TACR1: variants seen among roughly 807,000 people sequenced by gnomAD.
TACR1 encodes the protein tachykinin receptor 1.
Under a neutral mutation model 35.8 loss-of-function variants are expected in TACR1, and 25 were observed. The observed-to-expected ratio is 0.70, with a 90% CI of 0.51 to 0.98. TACR1 has a LOEUF of 0.98. Among genes scored for constraint, TACR1 ranks in the 50% least tolerant of loss-of-function variants. The pLI, the probability that TACR1 is intolerant of heterozygous loss-of-function variation, is 0.00. For synonymous variants in TACR1, 195 were observed against 206.7 expected (o/e 0.94, Z 0.48); for missense variants, 478 against 522.9 (o/e 0.91, Z 0.84).
chr2:75,120,613 A>G lies in TACR1; in HGVS notation c.545T>C (p.Ile182Thr). 3 of 1,611,454 alleles carry G rather than the reference A, an allele frequency of 1.9e-6. No homozygotes were observed. The highest frequency in any genetic ancestry group is 1.7e-6 in the Non-Finnish European group (2 of 1,178,746). ...CTTGTTCGGATGCTCTGGCCATTCG[A>G]TCATGCACACGACTCTGCTGGGCAT... ...ETMPSRVVCM[I>T]EWPEHPNKIY... Residue 182 changes from isoleucine (I) to threonine (T), a missense_variant, in exon 2 of 5, where the codon ATC (isoleucine) becomes ACC (threonine). Transcript: ENST00000305249.
At position 75,053,496 on chromosome 2, in the gene TACR1, C is replaced by T. The variant is rs931868579; in HGVS notation, c.735+109G>A. 16 of 1,314,258 alleles carry T rather than the reference C, an allele frequency of 1.2e-5. No homozygotes were observed. In the African/African-American group the frequency reaches 2.1e-4, roughly 17 times the overall value. 81.4% of individuals were successfully genotyped at this position (1,314,258 alleles called of 1,614,324 possible). A position where few individuals can be genotyped will look rare whatever the true frequency, so the allele number is the denominator to read the frequency against. On this transcript the variant is annotated intron_variant, in intron 3 of 4. Transcript: ENST00000305249. ...TCCTCCTCTCTGTTGCTCCCCATAC[C>T]TGGGGATATTTTGTGCTAGCTGCCT...
chr2:75,130,746 T>G (rs1674161927), intron 1 of TACR1, among the ~76,000 whole-genome samples: 1 of 151,794 alleles, frequency 6.6e-6, no homozygotes, highest in Non-Finnish European at 1.5e-5. Context: ...AAGACACACA[T>G]CTGCTGAAGC....
intron 2 of TACR1, among the ~76,000 whole-genome samples, chr2:75,115,928 A>AG (rs1673847967): frequency 6.6e-6 from 1 of 151,068 alleles, no homozygotes; most frequent in Non-Finnish European, 1.5e-5. Flanking sequence ...AAAAAAAAAA[A>AG]GAGAAGCTCT....
At chr2:75,102,122 C>T (rs1037739260) in intron 2 of TACR1, among the ~76,000 whole-genome samples, 3 of 152,118 alleles carry the variant, frequency 2.0e-5, no homozygotes, top group Admixed American at 6.6e-5. Context: ...AGCTTAAACT[C>T]GCCTGTTGGG....
intron 1 of TACR1, among the ~76,000 whole-genome samples, chr2:75,133,281 G>A (rs1038332510): frequency 2.6e-5 from 4 of 152,154 alleles, no homozygotes; most frequent in African/African-American, 9.7e-5. Flanking sequence ...TTAATTTCAA[G>A]AGCAGCAATC....
intron 1 of TACR1, among the ~76,000 whole-genome samples, chr2:75,164,386 AT>A (rs1050440867): frequency 6.6e-6 from 1 of 152,090 alleles, no homozygotes; most frequent in Non-Finnish European, 1.5e-5. Flanking sequence ...AATAAAAATA[AT>A]AGAAAAATAA....
In TACR1 at chr2:75,049,645, T is replaced by C. The variant is rs1376741185; in HGVS notation, c.1011A>G (p.Lys337=). Residue 337 remains lysine, a synonymous_variant, in exon 5 of 5, where the codon AAA becomes AAG. Transcript: ENST00000305249. The part of the protein sequence containing the change: ...SAGDYEGLEM[K]STRYLQTQGS... ...CCTGGGTCTGGAGATACCGGGTGGA[T>C]TTCATTTCCAGCCCCTCATAGTCGC... 1 of 1,614,106 alleles carries C rather than the reference T, an allele frequency of 6.2e-7. No homozygotes were observed. Among genetic ancestry groups the C allele is most frequent in the Non-Finnish European group, 8.5e-7 (1 of 1,180,020 alleles).
intron 4 of TACR1, 193 bp downstream of exon 4, chr2:75,051,058 A>G: frequency 1.5e-6 from 1 of 660,822 alleles, no homozygotes; most frequent in Non-Finnish European, 2.6e-6. Context: ...AAAGAAAATC[A>G]GTCCACTCCG....
intron 1 of TACR1, among the ~76,000 whole-genome samples, chr2:75,174,793 A>G (rs1262304509): frequency 2.0e-5 from 3 of 152,214 alleles, no homozygotes; most frequent in Non-Finnish European, 4.4e-5. Flanking sequence ...GAGAATTTGC[A>G]TAATGGTTGG....
chr2:75,158,654 G>T (rs1674926038), intron 1 of TACR1, among the ~76,000 whole-genome samples: 2 of 152,158 alleles, frequency 1.3e-5, no homozygotes, highest in South Asian at 4.1e-4. Flanking sequence ...TGTTGCATAG[G>T]GAGACAGCTG....
At chr2:75,176,876 A>C (rs1256854195) in intron 1 of TACR1, among the ~76,000 whole-genome samples, 1 of 152,090 alleles carries the variant, frequency 6.6e-6, no homozygotes, top group Non-Finnish European at 1.5e-5. Context: ...TTTATCTCCA[A>C]TATGGCTCCA....
intron 2 of TACR1, among the ~76,000 whole-genome samples, chr2:75,111,989 A>G (rs1156920227): frequency 1.3e-5 from 2 of 152,162 alleles, no homozygotes; most frequent in Admixed American, 6.5e-5. Flanking sequence ...CCAATATGCT[A>G]TTATATACTG....
chr2:75,176,002 T>A (rs1375152477), intron 1 of TACR1, among the ~76,000 whole-genome samples: 2 of 126,886 alleles, frequency 1.6e-5, no homozygotes, highest in African/African-American at 5.9e-5. Context: ...CTCACTATGT[T>A]TGAGCTGTCC....
chr2:75,101,124 A>G (rs1673527077), intron 2 of TACR1, among the ~76,000 whole-genome samples: 1 of 152,190 alleles, frequency 6.6e-6, no homozygotes, highest in Non-Finnish European at 1.5e-5. Flanking sequence ...TTGATTATTC[A>G]CTGAGAATAT....
intron 1 of TACR1, among the ~76,000 whole-genome samples, chr2:75,147,997 C>T (rs897483608): frequency 5.9e-5 from 9 of 152,086 alleles, no homozygotes; most frequent in East Asian, 1.9e-4. Flanking sequence ...CCACCCATCT[C>T]GGCCTCCCAA....
chr2:75,164,605 A>G (rs1675096164), intron 1 of TACR1, among the ~76,000 whole-genome samples: 1 of 152,238 alleles, frequency 6.6e-6, no homozygotes, highest in Non-Finnish European at 1.5e-5. Context: ...CTTTGGGCTC[A>G]GGCAGTTTGA....
intron 1 of TACR1, among the ~76,000 whole-genome samples, chr2:75,175,379 A>C (rs1334274347): frequency 1.3e-5 from 2 of 152,330 alleles, no homozygotes; most frequent in African/African-American, 4.8e-5. Context: ...ATTTTAATAT[A>C]AATAAAGTGA....
Position 75,123,237 on chromosome 2 carries a change from G to C in TACR1, c.390-2469C>G, listed in dbSNP as rs559967469. On this transcript the variant is annotated intron_variant, in intron 1 of 4. Transcript: ENST00000305249. ...CTCACTGGCAGCTGTGCATTCTCAG[G>C]CTTCACAGGAACTTGAGGAGGATGC... is the stretch of plus-strand genomic sequence containing the variant. Among the ~76,000 whole-genome samples the C allele has an allele frequency of 3.4e-5, 5 of 146,830 alleles. No individual in the cohort carries two copies. The East Asian group carries it at 9.7e-4, about 29-fold the overall frequency.
chr2:75,156,584 CAG>C (rs1674862550), intron 1 of TACR1, among the ~76,000 whole-genome samples: 1 of 125,700 alleles, frequency 8.0e-6, no homozygotes, highest in South Asian at 2.6e-4. Context: ...GCCTGGGTAA[CAG>C]AGCGAGACTC....
Sources: gnomAD v4.1 joint callset for allele counts (sites outside exome capture counted in the v4.1 genomes callset) on GRCh38, gnomAD v4.1.1 for gene constraint, MANE v1.5 for transcripts, NCBI Gene and HGNC (gene_info 2026-07-23, HGNC 2026-07-21) for gene names.